The following SHB variants were observed in gnomAD, a reference collection of about 807,000 sequenced individuals.
SHB encodes the protein SH2 domain containing adaptor protein B, also known as SH2 domain-containing adapter protein B.
SHB carries 20 observed loss-of-function variants against 52.3 expected under a neutral mutation model. The observed-to-expected ratio is 0.38, with a 90% CI of 0.27 to 0.56. SHB has a LOEUF of 0.56. SHB is among the 20% of genes least tolerant of loss of function. The probability of loss-of-function intolerance (pLI) is 0.71; values close to 1 mark genes in which losing one functional copy is unlikely to be tolerated. For missense variants in SHB, 825 were observed against 723.3 expected, an observed-to-expected ratio of 1.14 and a Z score of -1.61; for synonymous variants, 397 against 316.5, an observed-to-expected ratio of 1.25 and a Z score of -2.70.
chr9:37,951,227 G>A (rs1587208104), intron 4 of SHB, among the ~76,000 whole-genome samples: 3 of 152,240 alleles, frequency 2.0e-5, no homozygotes, highest in East Asian at 1.9e-4. Flanking sequence ...CTGGACATCC[G>A]GAGGGGAGAC....
chr9:37,950,813 G>A (rs1832557832), intron 4 of SHB, among the ~76,000 whole-genome samples: 1 of 152,222 alleles, frequency 6.6e-6, no homozygotes, highest in Non-Finnish European at 1.5e-5. Flanking sequence ...GACGGCAGCT[G>A]CAGCGTTAGC....
At chr9:38,045,432 C>G (rs1260895190) in intron 1 of SHB, among the ~76,000 whole-genome samples, 5 of 151,446 alleles carry the variant, frequency 3.3e-5, no homozygotes, top group Admixed American at 3.3e-4. Flanking sequence ...GAGACCCCCC[C>G]CACCCCCAAG....
At chr9:38,063,225 G>A (rs1157126800) in intron 1 of SHB, among the ~76,000 whole-genome samples, 2 of 152,230 alleles carry the variant, frequency 1.3e-5, no homozygotes, top group African/African-American at 4.8e-5. Context: ...GAACTGGAGA[G>A]TGTGGCTGTT....
intron 2 of SHB, chr9:38,015,408 T>G (rs1425452944): frequency 1.4e-6 from 1 of 703,148 alleles, no homozygotes; most frequent in South Asian, 1.5e-5. Context: ...CACAATTGCT[T>G]TGACAAGGTT....
intron 1 of SHB, among the ~76,000 whole-genome samples, chr9:38,036,555 G>A (rs950089364): frequency 3.3e-5 from 5 of 152,226 alleles, no homozygotes; most frequent in Non-Finnish European, 5.9e-5. Flanking sequence ...GTGGCCACTG[G>A]CGGCGATGAT....
intron 3 of SHB, among the ~76,000 whole-genome samples, chr9:37,963,427 A>C (rs1164317910): frequency 2.0e-5 from 3 of 152,240 alleles, no homozygotes; most frequent in Non-Finnish European, 2.9e-5. Flanking sequence ...GCCCCTCTGC[A>C]CATGAGCTGG....
At chr9:37,994,076 T>G (rs1820918053) in intron 2 of SHB, among the ~76,000 whole-genome samples, 1 of 152,246 alleles carries the variant, frequency 6.6e-6, no homozygotes, top group Non-Finnish European at 1.5e-5. Flanking sequence ...GGCGGCTGAT[T>G]GACCTCAGTG....
intron 4 of SHB, among the ~76,000 whole-genome samples, chr9:37,955,410 T>C (rs1198805964): frequency 1.3e-5 from 2 of 152,124 alleles, no homozygotes; most frequent in Admixed American, 1.3e-4. Flanking sequence ...CCTGCCCATG[T>C]ATACACAGAG....
In SHB at chr9:38,001,776, G is replaced by A. The variant is rs189878320; in HGVS notation, c.838+14235C>T. On this transcript the variant is annotated intron_variant, in intron 2 of 5. Transcript: ENST00000377707. Reference sequence around the variant, plus strand: ...GCTGGCAGAAAGGTTCTCTCCCAGCGTCTACCATGGAGTTAGAACAATGAC... The same window carrying A: ...GCTGGCAGAAAGGTTCTCTCCCAGCATCTACCATGGAGTTAGAACAATGAC... Among the ~76,000 whole-genome samples the A allele has an allele frequency of 7.8e-4, 119 of 152,304 alleles. 1 individual carries two copies. In the South Asian group the frequency reaches 9.5e-3, roughly 12 times the overall value.
At chr9:38,061,843 C>T (rs1044475252) in intron 1 of SHB, among the ~76,000 whole-genome samples, 1 of 152,208 alleles carries the variant, frequency 6.6e-6, no homozygotes, top group African/African-American at 2.4e-5. Context: ...GGAAGGAATG[C>T]TTGGTGTTAG....
chr9:37,972,552 C>A (rs1201868012), intron 3 of SHB, among the ~76,000 whole-genome samples: 2 of 152,304 alleles, frequency 1.3e-5, no homozygotes, highest in Admixed American at 6.5e-5. Context: ...GAGAAATCTT[C>A]CCCCAGTGAT....
At chr9:38,030,983 C>T (rs145577655) in intron 1 of SHB, among the ~76,000 whole-genome samples, 26 of 151,978 alleles carry the variant, frequency 1.7e-4, no homozygotes, top group South Asian at 4.2e-4. Context: ...GACAAGATCA[C>T]GCACACTAAA....
chr9:37,993,652 G>A (rs1417709084), intron 2 of SHB, among the ~76,000 whole-genome samples: 1 of 151,404 alleles, frequency 6.6e-6, no homozygotes, highest in African/African-American at 2.4e-5. Context: ...ACATATATTT[G>A]TTAATTTATT....
chr9:37,928,291 G>A (rs1365829428), intron 5 of SHB, among the ~76,000 whole-genome samples: 1 of 152,224 alleles, frequency 6.6e-6, no homozygotes, highest in Non-Finnish European at 1.5e-5. Context: ...AGTGGATCCT[G>A]GGCTTGGGGA....
At chr9:37,998,141 C>A (rs1175042078) in intron 2 of SHB, among the ~76,000 whole-genome samples, 1 of 150,148 alleles carries the variant, frequency 6.7e-6, no homozygotes, top group Non-Finnish European at 1.5e-5. Context: ...GGATTTACAG[C>A]ATTCCTGTTG....
chr9:37,917,326 G>T lies in SHB; in HGVS notation c.*2495C>A, dbSNP rs762364208. On this transcript the variant is annotated 3_prime_UTR_variant, in exon 6 of 6. Coordinates refer to ENST00000377707, the MANE Select transcript of SHB (RefSeq NM_003028.3). ...CCTCCCAGGGAAACTTCAGGAAGACGAAGGCCAGGGACAGAGGGAGGGTCC... is the reference window on the plus strand; with the variant it reads ...CCTCCCAGGGAAACTTCAGGAAGACTAAGGCCAGGGACAGAGGGAGGGTCC... Among the ~76,000 whole-genome samples, 9 of 152,128 alleles carry T rather than the reference G, an allele frequency of 5.9e-5. No individual in the cohort carries two copies. The highest frequency in any genetic ancestry group is 1.3e-4 in the Non-Finnish European group (9 of 68,016).
At chr9:37,923,323 G>GA (rs1288646123) in intron 5 of SHB, among the ~76,000 whole-genome samples, 1 of 152,232 alleles carries the variant, frequency 6.6e-6, no homozygotes. Flanking sequence ...GCAGGTCAGA[G>GA]ACAGCAGAGG....
intron 5 of SHB, among the ~76,000 whole-genome samples, chr9:37,941,323 T>G (rs1255897781): frequency 6.6e-6 from 1 of 152,230 alleles, no homozygotes; most frequent in Non-Finnish European, 1.5e-5. Context: ...GCTAAGCACT[T>G]CACATATATT....
At chr9:38,023,295 C>T in intron 1 of SHB, among the ~76,000 whole-genome samples, 1 of 152,194 alleles carries the variant, frequency 6.6e-6, no homozygotes, top group Non-Finnish European at 1.5e-5. Context: ...CTCTGAGTTT[C>T]GGCAGGTCAC....
Sources: allele counts gnomAD v4.1 joint callset (sites outside exome capture counted in the v4.1 genomes callset), GRCh38; gene constraint gnomAD v4.1.1; transcripts MANE v1.5; gene names NCBI Gene and HGNC (gene_info 2026-07-23, HGNC 2026-07-21).